Variants in STON2 observed in about 807,000 individuals in gnomAD.
STON2 encodes stonin-2.
Under a neutral mutation model 65.7 loss-of-function variants are expected in STON2, and 29 were observed. The observed-to-expected ratio is 0.44, with a 90% confidence interval of 0.33 to 0.60. The LOEUF is 0.60. Ranked by LOEUF, STON2 falls within the 20% of genes least tolerant of loss-of-function variation. The pLI is 0.03. For synonymous variants in STON2, 404 were observed against 414.2 expected, an observed-to-expected ratio of 0.98 and a Z score of 0.30; for missense variants, 1,054 against 1,118.1, an observed-to-expected ratio of 0.94 and a Z score of 0.82.
At chr14:81,309,692 T>C (rs1896348522) in intron 5 of STON2, among the ~76,000 whole-genome samples, 1 of 152,182 alleles carries the variant, frequency 6.6e-6, no homozygotes, top group Non-Finnish European at 1.5e-5. Context: ...GGGACAGGGT[T>C]TGGGGAGGAG....
rs1222202976 is a variant in STON2 at position 81,413,041 on chromosome 14, C to T, written c.-199+14061G>A. 2.8e-5 allele frequency: 28 copies of T among 990,724 alleles called. 3 individuals are homozygous for T. The Admixed American group carries it at 3.8e-4, about 13-fold the overall frequency. The allele number at this position is 990,724 out of a possible 1,614,324, so 61.4% of individuals were successfully genotyped here. Reference sequence around the variant, plus strand: ...AGACGCAGCAGAACTCGGTGGAGTGCGCTCCTCAGGCGCTGGAGAAATACA... The same window carrying T: ...AGACGCAGCAGAACTCGGTGGAGTGTGCTCCTCAGGCGCTGGAGAAATACA... On this transcript the variant is annotated intron_variant, in intron 2 of 8. Transcript: ENST00000553821.
intron 1 of STON2, among the ~76,000 whole-genome samples, chr14:81,430,647 G>GT (rs1902191260): frequency 6.6e-6 from 1 of 152,086 alleles, no homozygotes; most frequent in Non-Finnish European, 1.5e-5. Context: ...TTGGTCAACT[G>GT]TTTCTATCTT....
At chr14:81,409,181 G>A (rs559034477) in intron 2 of STON2, among the ~76,000 whole-genome samples, 17 of 152,224 alleles carry the variant, frequency 1.1e-4, no homozygotes, top group Admixed American at 5.9e-4. Flanking sequence ...GAGGAGGGAG[G>A]ATCACTTGAG....
chr14:81,399,988 G>A (rs896995797), intron 1 of STON2, among the ~76,000 whole-genome samples: 8 of 152,170 alleles, frequency 5.3e-5, no homozygotes, highest in African/African-American at 1.7e-4. Flanking sequence ...GTCTTCTGCA[G>A]CCAAAACACT....
At chr14:81,388,138 T>C (rs73341962) in intron 3 of STON2, among the ~76,000 whole-genome samples, 86,509 of 150,346 alleles carry the variant, frequency 0.58, 26,995 homozygotes, top group African/African-American at 0.82. Context: ...TTAGTAGAGA[T>C]GGCGTTTCAC....
chr14:81,372,773 A>T (rs1899065204), intron 3 of STON2, among the ~76,000 whole-genome samples: 1 of 152,198 alleles, frequency 6.6e-6, no homozygotes. Flanking sequence ...CAAAGACATT[A>T]AGAAACTTGC....
chr14:81,353,662 A>G (rs924082016), intron 4 of STON2, among the ~76,000 whole-genome samples: 1 of 152,216 alleles, frequency 6.6e-6, no homozygotes, highest in Non-Finnish European at 1.5e-5. Context: ...AAAGAAAATC[A>G]GAGGCAGACA....
rs1894363673 is a variant in STON2 at position 81,266,526 on chromosome 14, C to T, written c.*1888G>A. On this transcript the variant is annotated 3_prime_UTR_variant, in exon 8 of 8. Coordinates refer to ENST00000614646, the MANE Select transcript of STON2 (RefSeq NM_001394390.1). The stretch of plus-strand genomic sequence containing the variant: ...TCCCTTGTTCTTGCATCATCAGACC[C>T]TTTACAACCCTGGTCACCTCCCTAT... The T allele has an allele frequency of 3.3e-6, 1 of 305,442 alleles. No individual in the cohort carries two copies. The highest frequency in any genetic ancestry group is 2.3e-5 in the African/African-American group (1 of 44,052). The allele number at this position is 305,442 out of a possible 1,614,324, so 18.9% of individuals were successfully genotyped here. A position where few individuals can be genotyped will look rare whatever the true frequency, so the allele number is the denominator to read the frequency against.
chr14:81,289,905 T>C (rs917749052), intron 5 of STON2, among the ~76,000 whole-genome samples: 2 of 152,200 alleles, frequency 1.3e-5, no homozygotes, highest in African/African-American at 4.8e-5. Context: ...CTGGTTATGT[T>C]GGTGAATAAC....
chr14:81,262,512 T>C lies in STON2; in HGVS notation c.*5902A>G, dbSNP rs904987069. On this transcript the variant is annotated 3_prime_UTR_variant, in exon 8 of 8. Coordinates refer to ENST00000614646, the MANE Select transcript of STON2 (RefSeq NM_001394390.1). ...GCTTCTAGTTCAAGTATTTTGAGGC[T>C]TGGTACCCAATGCTGATTTGTCATC... The C allele has an allele frequency of 3.0e-6, 3 of 985,262 alleles. No individual in the cohort carries two copies. The highest frequency in any genetic ancestry group is 2.4e-6 in the Non-Finnish European group (2 of 829,844). 61.0% of individuals were successfully genotyped at this position (985,262 alleles called of 1,614,324 possible). A position where few individuals can be genotyped will look rare whatever the true frequency, so the allele number is the denominator to read the frequency against.
intron 1 of STON2, 102 bp from the exon 2 acceptor site, chr14:81,398,682 T>G (rs1379153748): frequency 8.0e-6 from 2 of 250,212 alleles, no homozygotes; most frequent in Non-Finnish European, 1.5e-5. Flanking sequence ...CAAGAAGGCT[T>G]GGGGTGGTTT....
chr14:81,279,496 C>G (rs1895018966), intron 5 of STON2, among the ~76,000 whole-genome samples: 1 of 152,152 alleles, frequency 6.6e-6, no homozygotes, highest in Non-Finnish European at 1.5e-5. Context: ...CGGCACCAGC[C>G]TGGCCAACGT....
At chr14:81,386,938 T>C (rs537818326) in intron 3 of STON2, among the ~76,000 whole-genome samples, 2 of 152,324 alleles carry the variant, frequency 1.3e-5, no homozygotes, top group African/African-American at 4.8e-5. Context: ...AGATTTTGGA[T>C]GATAGATGGG....
chr14:81,344,899 T>C (rs185652435), intron 4 of STON2, among the ~76,000 whole-genome samples: 14 of 152,358 alleles, frequency 9.2e-5, no homozygotes, highest in Non-Finnish European at 1.5e-4. Context: ...GACTTTTGAA[T>C]TGGCATGTAA....
chr14:81,417,918 G>A (rs1049749576), intron 2 of STON2, among the ~76,000 whole-genome samples: 1 of 152,220 alleles, frequency 6.6e-6, no homozygotes, highest in Admixed American at 6.5e-5. Context: ...GATGGCAAGA[G>A]GGAATTTTGA....
chr14:81,388,052 C>G (rs564918067), intron 3 of STON2, among the ~76,000 whole-genome samples: 1 of 145,766 alleles, frequency 6.9e-6, no homozygotes, highest in Non-Finnish European at 1.5e-5. Flanking sequence ...CAGGTTCAAG[C>G]GATTCTCCTG....
chr14:81,325,587 T>C (rs1164190951), intron 4 of STON2, among the ~76,000 whole-genome samples: 2 of 152,240 alleles, frequency 1.3e-5, no homozygotes, highest in Non-Finnish European at 2.9e-5. Context: ...CAATTTCTTA[T>C]GTATCTGGTT....
intron 5 of STON2, among the ~76,000 whole-genome samples, chr14:81,291,858 TACACACAC>T (rs59366676): frequency 0.054 from 7,394 of 137,744 alleles, 310 homozygotes; most frequent in African/African-American, 0.12. Context: ...TTAGCATGGG[TACACACAC>T]ACACACACAC....
chr14:81,335,042 TGTG>T (rs1400775253), intron 4 of STON2, among the ~76,000 whole-genome samples: 4 of 151,390 alleles, frequency 2.6e-5, no homozygotes, highest in African/African-American at 9.7e-5. Flanking sequence ...TGTGTGTGTG[TGTG>T]TGTATAGACA....
Sources: gnomAD v4.1 joint callset for allele counts (sites outside exome capture counted in the v4.1 genomes callset) on GRCh38, gnomAD v4.1.1 for gene constraint, MANE v1.5 for transcripts, NCBI Gene and HGNC (gene_info 2026-07-23, HGNC 2026-07-21) for gene names.